Variants in USH2A observed in about 807,000 individuals in gnomAD.
USH2A encodes the protein usherin.
A neutral mutation model predicts 538.9 loss-of-function variants in USH2A; 443 were observed. That is an observed-to-expected ratio of 0.82 (90% CI 0.76 to 0.89). USH2A has a LOEUF of 0.89. USH2A is among the 40% of genes least tolerant of loss of function. USH2A has a pLI of 0.00. For missense variants in USH2A, 6,633 were observed against 6,324.8 expected, an observed-to-expected ratio of 1.05 and a Z score of -1.65; for synonymous variants, 2,413 against 2,273.5, an observed-to-expected ratio of 1.06 and a Z score of -1.75.
At chr1:215,656,941 A>AC (rs1657273335) in intron 64 of USH2A, among the ~76,000 whole-genome samples, 8 of 152,250 alleles carry the variant, frequency 5.3e-5, no homozygotes, top group African/African-American at 1.9e-4. Context: ...AACAGGTTGT[A>AC]TGTTAACGGG....
chr1:215,864,303 C>T (rs1006236), intron 44 of USH2A, among the ~76,000 whole-genome samples: 17,457 of 152,084 alleles, frequency 0.11, 1,382 homozygotes, highest in East Asian at 0.29. Context: ...TGGTTTCTAT[C>T]TCATTGTGCT....
rs1160572534 is a variant in USH2A, at chr1:215,915,213, G to T, written c.7301-14308C>A. On this transcript the variant is annotated intron_variant, in intron 38 of 71. Transcript: ENST00000307340. ...TCTAGCAACTGTCTCCAAAGTTCAA[G>T]TTCCTGTTATTTTAAACAATGTTGT... is the stretch of plus-strand genomic sequence containing the variant. Among the ~76,000 whole-genome samples the T allele has an allele frequency of 3.3e-5, 5 of 152,024 alleles. No homozygotes were observed. In the East Asian group the frequency reaches 9.7e-4, roughly 30 times the overall value.
intron 9 of USH2A, among the ~76,000 whole-genome samples, chr1:216,313,364 G>A (rs1263387294): frequency 6.6e-6 from 1 of 152,116 alleles, no homozygotes; most frequent in Admixed American, 6.5e-5. Context: ...AGTTTTTAAT[G>A]AGCCCTGTGC....
chr1:216,122,273 A>G (rs2033153118), intron 21 of USH2A, among the ~76,000 whole-genome samples: 1 of 152,190 alleles, frequency 6.6e-6, no homozygotes, highest in Non-Finnish European at 1.5e-5. Context: ...TGGGCAGGAC[A>G]TAGGAGTAGC....
chr1:215,835,920 T>C (rs1046679472), intron 47 of USH2A, among the ~76,000 whole-genome samples: 5 of 152,164 alleles, frequency 3.3e-5, no homozygotes, highest in Non-Finnish European at 5.9e-5. Flanking sequence ...TATAATACTC[T>C]TTTTAATGTT....
intron 38 of USH2A, among the ~76,000 whole-genome samples, chr1:215,907,422 C>T (rs1431904562): frequency 3.3e-5 from 5 of 152,032 alleles, no homozygotes; most frequent in Non-Finnish European, 7.4e-5. Context: ...TCTCTGTTCT[C>T]TCCAACTAGT....
chr1:215,649,282 C>T (rs1360979949), intron 65 of USH2A, among the ~76,000 whole-genome samples: 1 of 152,178 alleles, frequency 6.6e-6, no homozygotes, highest in Non-Finnish European at 1.5e-5. Context: ...TCTATCTCTT[C>T]CTCTGAGGGT....
At chr1:216,377,687 G>A (rs1271734428) in intron 3 of USH2A, among the ~76,000 whole-genome samples, 1 of 149,464 alleles carries the variant, frequency 6.7e-6, no homozygotes, top group Admixed American at 6.7e-5. Flanking sequence ...AAAGGGAAGG[G>A]GAGGGGAGAG....
intron 61 of USH2A, among the ~76,000 whole-genome samples, chr1:215,710,821 GA>G: frequency 6.6e-6 from 1 of 151,578 alleles, no homozygotes; most frequent in East Asian, 1.9e-4. Context: ...TCAAAAGTTA[GA>G]AAAAAAAGAA....
chr1:216,333,472 C>T (rs767272513), intron 4 of USH2A, among the ~76,000 whole-genome samples: 23 of 151,894 alleles, frequency 1.5e-4, no homozygotes, highest in South Asian at 2.1e-4. Context: ...AGCTGTGGGA[C>T]GCCATCAAGA....
chr1:216,193,513 G>A (rs890327961), intron 19 of USH2A, among the ~76,000 whole-genome samples: 9 of 152,058 alleles, frequency 5.9e-5, no homozygotes, highest in African/African-American at 2.2e-4. Context: ...ATTGTATAGT[G>A]TCTCCCAAAA....
Position 215,993,155 on chromosome 1 carries a change from C to A in USH2A, c.6670G>T (p.Gly2224Cys), listed in dbSNP as rs149553844. 775 of 1,614,054 alleles carry A rather than the reference C, an allele frequency of 4.8e-4. No homozygotes were observed. Among genetic ancestry groups the A allele is most frequent in the Non-Finnish European group, 5.5e-4 (645 of 1,179,982 alleles). The change falls in exon 35 of 72, where the codon GGT becomes TGT. Residue 2224 changes from glycine to cysteine, a missense_variant. Coordinates refer to ENST00000307340, the MANE Select transcript of USH2A (RefSeq NM_206933.4). ...YLIKLGACTG[G>C]GCTVSEASEA... ...CTGGCCTCACTCACTGTGCACCCAC[C>A]ACCTGTGCAAGCCTAAACAGAGATG...
intron 21 of USH2A, among the ~76,000 whole-genome samples, chr1:216,138,419 A>C (rs954832808): frequency 1.3e-5 from 2 of 152,232 alleles, no homozygotes; most frequent in Non-Finnish European, 2.9e-5. Context: ...ACTGTTATGT[A>C]GTCCGTGCAG....
chr1:216,073,487 A>T (rs910950027), intron 27 of USH2A, among the ~76,000 whole-genome samples, 187 bp from the exon 28 acceptor site: 3 of 152,332 alleles, frequency 2.0e-5, no homozygotes, highest in Non-Finnish European at 2.9e-5. Context: ...GTTGCAAAGA[A>T]ATATAGTTCT....
intron 37 of USH2A, among the ~76,000 whole-genome samples, chr1:215,943,545 C>T (rs1370324254): frequency 1.3e-5 from 2 of 152,050 alleles, no homozygotes; most frequent in Non-Finnish European, 2.9e-5. Context: ...TGAAAGGACA[C>T]CTGAAGTTCA....
intron 47 of USH2A, among the ~76,000 whole-genome samples, chr1:215,820,092 A>G (rs1662970007): frequency 6.6e-6 from 1 of 151,772 alleles, no homozygotes; most frequent in African/African-American, 2.4e-5. Flanking sequence ...TCATGCATAA[A>G]CATAAACAGA....
At chr1:215,651,940 C>A (rs1161140560) in intron 64 of USH2A, among the ~76,000 whole-genome samples, 1 of 152,172 alleles carries the variant, frequency 6.6e-6, no homozygotes, top group Non-Finnish European at 1.5e-5. Context: ...CTGTCAAATG[C>A]AAATCTCCAG....
intron 21 of USH2A, among the ~76,000 whole-genome samples, chr1:216,136,060 C>T (rs571133953): frequency 6.6e-6 from 1 of 152,172 alleles, no homozygotes; most frequent in South Asian, 2.1e-4. Flanking sequence ...AAATAACTCT[C>T]TTGCATATTA....
At chr1:215,750,179 G>C (rs1157453842) in intron 58 of USH2A, among the ~76,000 whole-genome samples, 2 of 152,042 alleles carry the variant, frequency 1.3e-5, no homozygotes, top group Non-Finnish European at 2.9e-5. Flanking sequence ...TTAACAAATC[G>C]AGCTAAATTC....
Sources: gnomAD v4.1 joint callset for allele counts (sites outside exome capture counted in the v4.1 genomes callset) on GRCh38, gnomAD v4.1.1 for gene constraint, MANE v1.5 for transcripts, NCBI Gene and HGNC (gene_info 2026-07-23, HGNC 2026-07-21) for gene names.